The following UBR2 variants were observed in gnomAD, a reference collection of about 807,000 sequenced individuals.
The protein encoded by UBR2 is ubiquitin protein ligase E3 component n-recognin 2.
Under a neutral mutation model 247.9 loss-of-function variants are expected in UBR2, and 92 were observed. The observed-to-expected ratio is 0.37, with a 90% CI of 0.31 to 0.44. The LOEUF is 0.44. UBR2 is among the 20% of genes least tolerant of loss of function. The probability of loss-of-function intolerance (pLI) is 1.00; values close to 1 mark genes in which losing one functional copy is unlikely to be tolerated. For missense variants in UBR2, 1,613 were observed against 2,112.6 expected (o/e 0.76, Z 4.64); for synonymous variants, 672 against 693.5 (o/e 0.97, Z 0.49).
At chr6:42,638,974 G>A (rs1796270843) in intron 15 of UBR2, among the ~76,000 whole-genome samples, 1 of 152,162 alleles carries the variant, frequency 6.6e-6, no homozygotes, top group African/African-American at 2.4e-5. Flanking sequence ...GCTGTCGTGT[G>A]AATATTTTTG....
Position 42,689,552 on chromosome 6 carries a change from G to T in UBR2, c.5025-17G>T. 1 of 1,610,766 alleles carries T rather than the reference G, an allele frequency of 6.2e-7. No homozygotes were observed. The highest frequency in any genetic ancestry group is 1.1e-5 in the South Asian group (1 of 90,956). On this transcript the variant is annotated splice_polypyrimidine_tract_variant and intron_variant, in intron 45 of 46. Coordinates refer to ENST00000372901, the MANE Select transcript of UBR2 (RefSeq NM_001363705.2). This position sits in a 1 kb window ranked among gnomAD's most constrained non-coding sequence, Gnocchi z 4.0. Reference sequence around the variant, plus strand: ...ACTAATGTGTAAATGTGTAACGTATGACTGATCTCTCTACAGAGTACGGGA... The same window carrying T: ...ACTAATGTGTAAATGTGTAACGTATTACTGATCTCTCTACAGAGTACGGGA...
At chr6:42,577,020 C>G (rs567179004) in intron 2 of UBR2, among the ~76,000 whole-genome samples, 1 of 152,142 alleles carries the variant, frequency 6.6e-6, no homozygotes, top group East Asian at 1.9e-4. Context: ...TTAGTGAGAT[C>G]CTTTGTGTGT....
Position 42,678,529 on chromosome 6 carries a change from TC to T in UBR2, c.4479-9del. 1 of 1,598,060 alleles carries T rather than the reference TC, an allele frequency of 6.3e-7. No individual in the cohort carries two copies. Among genetic ancestry groups the T allele is most frequent in the Non-Finnish European group, 8.5e-7 (1 of 1,176,180 alleles). Reference sequence around the variant, plus strand: ...GTAGATTTCCCAATAATCTTTTTTTTCTTTTTTAGTGCCTTGAAAGAAATAC... The same window carrying T: ...GTAGATTTCCCAATAATCTTTTTTTTTTTTTTAGTGCCTTGAAAGAAATAC... On this transcript the variant is annotated splice_polypyrimidine_tract_variant and intron_variant, in intron 40 of 46. Transcript: ENST00000372901.
intron 1 of UBR2, among the ~76,000 whole-genome samples, chr6:42,568,920 G>A (rs1258117751): frequency 6.6e-6 from 1 of 152,142 alleles, no homozygotes; most frequent in Non-Finnish European, 1.5e-5. Context: ...TGAGCATCGT[G>A]TGGGCATGCA....
chr6:42,689,650 G>T lies in UBR2; in HGVS notation c.5106G>T (p.Gly1702=). Residue 1702 remains glycine (G), a synonymous_variant, in exon 46 of 47, where the codon GGG becomes GGT. Transcript: ENST00000372901. This position sits in a 1 kb window ranked among gnomAD's most constrained non-coding sequence, Gnocchi z 4.0. ...FYSPPYLDDY[G]ETDQGLRRGN... ...CTCCTCCTTACCTTGATGACTATGG[G>T]GAGACCGACCAGGGACTCAGGTAAG... 1 of 1,614,030 alleles carries T rather than the reference G, an allele frequency of 6.2e-7. No homozygotes were observed. Among genetic ancestry groups the T allele is most frequent in the Non-Finnish European group, 8.5e-7 (1 of 1,179,972 alleles).
At chr6:42,661,158 G>A (rs150180322) in intron 30 of UBR2, among the ~76,000 whole-genome samples, 98 of 151,968 alleles carry the variant, frequency 6.4e-4, no homozygotes, top group African/African-American at 2.3e-3. Context: ...TTAGCCAGGC[G>A]TGGTGGCAGT....
At chr6:42,631,407 C>T (rs1391631114) in intron 11 of UBR2, among the ~76,000 whole-genome samples, 2 of 152,072 alleles carry the variant, frequency 1.3e-5, no homozygotes, top group Non-Finnish European at 2.9e-5. Flanking sequence ...GGGCATGGCC[C>T]ACATTGTAGG....
Position 42,652,074 on chromosome 6 carries a change from A to G in UBR2, c.2614+3A>G. On this transcript the variant is annotated splice_donor_region_variant and intron_variant, in intron 24 of 46. Transcript: ENST00000372901. Reference sequence around the variant, plus strand: ...AAGACAAAATAGAGAAGATACAGGTATTTTTAATCTTTCTGAAAATGTCTT... The same window carrying G: ...AAGACAAAATAGAGAAGATACAGGTGTTTTTAATCTTTCTGAAAATGTCTT... The G allele has an allele frequency of 6.3e-7, 1 of 1,578,444 alleles. No individual in the cohort carries two copies. The highest frequency in any genetic ancestry group is 8.6e-7 in the Non-Finnish European group (1 of 1,167,390).
chr6:42,579,186 G>T (rs768076586), intron 2 of UBR2, among the ~76,000 whole-genome samples: 2 of 152,270 alleles, frequency 1.3e-5, no homozygotes, highest in Non-Finnish European at 2.9e-5. Context: ...GGGGACCTCA[G>T]GAAGCTTACA....
chr6:42,599,705 A>G (rs905542953), intron 4 of UBR2, among the ~76,000 whole-genome samples: 15 of 152,064 alleles, frequency 9.9e-5, no homozygotes, highest in African/African-American at 3.6e-4. Flanking sequence ...GCTGAAGTAG[A>G]GTGGTGCAAT....
chr6:42,673,483 G>A (rs186534596), intron 36 of UBR2, among the ~76,000 whole-genome samples: 62 of 152,218 alleles, frequency 4.1e-4, no homozygotes, highest in Non-Finnish European at 1.2e-4. Flanking sequence ...CACCACACCC[G>A]GCCTGCACTG....
chr6:42,644,578 C>T (rs777953905), intron 20 of UBR2, 42 bp downstream of exon 20: 10 of 1,519,658 alleles, frequency 6.6e-6, no homozygotes, highest in Non-Finnish European at 8.1e-6. Flanking sequence ...ATTACACTGA[C>T]GTTTATAGTA....
In UBR2 at chr6:42,617,434, A is replaced by G; in HGVS notation, c.1208A>G (p.Tyr403Cys). ...AACTATGAGCGTTTGCAGAGTGATT[A>G]TGTGACAGATGACCACGACAGAGAG... ...AKNYERLQSD[Y>C]VTDDHDREFS... Residue 403 changes from tyrosine (Y) to cysteine (C), a missense_variant, in exon 11 of 47, where the codon TAT becomes TGT. Tyr to Cys is a radical substitution (Grantham distance 194, BLOSUM62 -2). This residue lies in a region of UBR2 where 1,524 missense variants were observed against 1,967.3 expected (regional missense o/e 0.77). Transcript: ENST00000372901. The G allele has an allele frequency of 1.9e-6, 3 of 1,581,372 alleles. No individual in the cohort carries two copies. Among genetic ancestry groups the G allele is most frequent in the Non-Finnish European group, 2.6e-6 (3 of 1,162,876 alleles).
chr6:42,632,846 T>C lies in UBR2; in HGVS notation c.1487T>C (p.Leu496Pro). Residue 496 changes from leucine to proline, a missense_variant, in exon 13 of 47, where the codon CTG (leucine) becomes CCG (proline). By Grantham distance (98) the Leu-to-Pro change is moderately conservative. Transcript: ENST00000372901. ...ISKPTEWSDE[L>P]RQKFLEGFDA... Reference sequence around the variant, plus strand: ...AAACCAACTGAATGGTCAGATGAGCTGAGGCAGAAGTTCCTAGAAGGGTTT... The same window carrying C: ...AAACCAACTGAATGGTCAGATGAGCCGAGGCAGAAGTTCCTAGAAGGGTTT... 1 of 1,607,830 alleles carries C rather than the reference T, an allele frequency of 6.2e-7. No homozygotes were observed. Among genetic ancestry groups the C allele is most frequent in the Non-Finnish European group, 8.5e-7 (1 of 1,178,252 alleles).
chr6:42,611,914 G>GAAAA (rs35743763), intron 7 of UBR2, among the ~76,000 whole-genome samples: 2 of 119,464 alleles, frequency 1.7e-5, no homozygotes, highest in Non-Finnish European at 1.8e-5. Flanking sequence ...CTCAAAAAAA[G>GAAAA]AAAAAAAAAA....
At chr6:42,652,176 G>A in intron 24 of UBR2, 105 bp downstream of exon 24, 1 of 1,153,936 alleles carries the variant, frequency 8.7e-7, no homozygotes, top group East Asian at 2.5e-5. Context: ...ATATTTAAAT[G>A]TAAGCTTTCC....
At chr6:42,582,887 G>A (rs1792002929) in intron 2 of UBR2, among the ~76,000 whole-genome samples, 1 of 151,054 alleles carries the variant, frequency 6.6e-6, no homozygotes, top group South Asian at 2.1e-4. Flanking sequence ...AGTGCGTTTT[G>A]GGTATCATTA....
intron 41 of UBR2, among the ~76,000 whole-genome samples, chr6:42,679,317 G>C (rs903507853): frequency 6.6e-6 from 1 of 152,226 alleles, no homozygotes; most frequent in Admixed American, 6.5e-5. Flanking sequence ...CAGATTATTT[G>C]CAGTGATGAT....
chr6:42,573,857 GT>G lies in UBR2; in HGVS notation c.206del (p.Leu69CysfsTer37), dbSNP rs1464008978. 1 of 1,613,962 alleles carries G rather than the reference GT, an allele frequency of 6.2e-7. No individual in the cohort carries two copies. Among genetic ancestry groups the G allele is most frequent in the Non-Finnish European group, 8.5e-7 (1 of 1,180,014 alleles). ...PQKEDMLAQH[V>X]LLGPMEWYLC... ...GAAAGAAGACATGCTGGCACAGCAT[GT>G]TTTGTTGGGACCAATGGAATGGTAC... On this transcript the variant is annotated frameshift_variant, in exon 2 of 47. Coordinates refer to ENST00000372901, the MANE Select transcript of UBR2 (RefSeq NM_001363705.2). LOFTEE classifies it high-confidence loss of function.
Sources: gnomAD v4.1 joint callset for allele counts (sites outside exome capture counted in the v4.1 genomes callset) on GRCh38, gnomAD v4.1.1 for gene constraint, gnomAD v4.1.1 regional missense constraint, Gnocchi (gnomAD v3.1) non-coding constraint, MANE v1.5 for transcripts, NCBI Gene and HGNC (gene_info 2026-07-23, HGNC 2026-07-21) for gene names.